N4BP2L2: variants seen among roughly 807,000 people sequenced by gnomAD.
The protein encoded by N4BP2L2 is NEDD4 binding protein 2 like 2.
A neutral mutation model predicts 56.2 loss-of-function variants in N4BP2L2; 50 were observed. That is an observed-to-expected ratio of 0.89 (90% CI 0.71 to 1.13). The LOEUF (loss-of-function observed/expected upper bound fraction) is 1.13, where lower values mean the gene tolerates loss of function less well. Ranked by LOEUF, N4BP2L2 falls within the 50% of genes most tolerant of loss-of-function variation. The pLI is 0.00. For synonymous variants in N4BP2L2, 203 were observed against 223.6 expected (o/e 0.91, Z 0.82); for missense variants, 689 against 693.8 (o/e 0.99, Z 0.08).
chr13:32,534,214 A>C lies in N4BP2L2; in HGVS notation c.1259+1555T>G, dbSNP rs189213226. On this transcript the variant is annotated intron_variant, in intron 2 of 5. Coordinates refer to ENST00000267068, the Ensembl canonical transcript of N4BP2L2. The stretch of plus-strand genomic sequence containing the variant: ...GGTACTACATACAACTTTCATTCTT[A>C]TATATCTATTTTTCAAATAAATATA... 1.4e-4 allele frequency among the ~76,000 whole-genome samples: 22 copies of C among 152,274 alleles called. No individual in the cohort carries two copies. In the East Asian group the frequency reaches 4.2e-3, roughly 29 times the overall value.
chr13:32,466,813 C>T (rs2081325322), intron 6 of N4BP2L2, among the ~76,000 whole-genome samples: 1 of 152,146 alleles, frequency 6.6e-6, no homozygotes, highest in Non-Finnish European at 1.5e-5. Context: ...TATTATTAGT[C>T]TTTAACCAAA....
At chr13:32,485,313 A>G (rs1325049631) in intron 6 of N4BP2L2, among the ~76,000 whole-genome samples, 1 of 152,230 alleles carries the variant, frequency 6.6e-6, no homozygotes, top group Non-Finnish European at 1.5e-5. Context: ...TCAGAACTTC[A>G]CACACACAAA....
At chr13:32,466,402 A>G (rs1025428465) in intron 6 of N4BP2L2, among the ~76,000 whole-genome samples, 3 of 152,068 alleles carry the variant, frequency 2.0e-5, no homozygotes, top group Non-Finnish European at 4.4e-5. Flanking sequence ...ACTCATCTCT[A>G]CTAAAAATAC....
chr13:32,462,260 CA>C (rs2080251462), intron 6 of N4BP2L2, among the ~76,000 whole-genome samples: 1 of 152,020 alleles, frequency 6.6e-6, no homozygotes, highest in East Asian at 1.9e-4. Context: ...ACTACTTGGA[CA>C]TAGAAAAAAT....
At chr13:32,447,229 C>G (rs1375449228) in intron 6 of N4BP2L2, among the ~76,000 whole-genome samples, 3 of 152,166 alleles carry the variant, frequency 2.0e-5, no homozygotes, top group African/African-American at 7.2e-5. Flanking sequence ...TCTCCTTTCT[C>G]TGGATCAAAT....
chr13:32,495,196 G>A (rs2088254480), intron 6 of N4BP2L2, among the ~76,000 whole-genome samples: 2 of 152,136 alleles, frequency 1.3e-5, no homozygotes, highest in Admixed American at 6.5e-5. Flanking sequence ...CTAACATTCA[G>A]CCAGTATACT....
At chr13:32,472,431 T>C (rs1184686691) in intron 6 of N4BP2L2, among the ~76,000 whole-genome samples, 3 of 152,190 alleles carry the variant, frequency 2.0e-5, no homozygotes, top group Admixed American at 6.5e-5. Context: ...TCTTCATATA[T>C]AATGCCACTG....
Position 32,443,891 on chromosome 13 carries a change from C to T in N4BP2L2, c.601G>A (p.Gly201Arg), listed in dbSNP as rs369699593. The stretch of plus-strand genomic sequence containing the variant: ...TCTTTATATCCAGTCACAAAATCTC[C>T]GACTTCATTTTGTAGACCATCAATG... The change falls in exon 7 of 10, where the codon GGA (glycine) becomes AGA (arginine). Residue 201 changes from glycine (G) to arginine (R), a missense_variant. Physicochemically the swap from Gly to Arg is moderately radical, Grantham distance 125 (BLOSUM62 -2). Coordinates refer to the N4BP2L2 transcript ENST00000357505. 218 of 1,568,484 alleles carry T rather than the reference C, an allele frequency of 1.4e-4. No individual in the cohort carries two copies. In the Admixed American group the frequency reaches 2.1e-3, roughly 15 times the overall value.
exon 7 of N4BP2L2, chr13:32,443,707 ATTGGACAAGTAACGGAGATTTCAT>A: frequency 1.3e-6 from 2 of 1,594,306 alleles, no homozygotes; most frequent in Non-Finnish European, 1.7e-6. Context: ...TTGAGTCAGT[ATTGGACAAGTAACGGAGATTTCAT>A]TTGGCCTCAG....
chr13:32,499,502 T>C (rs1445044026), intron 6 of N4BP2L2, among the ~76,000 whole-genome samples: 1 of 152,230 alleles, frequency 6.6e-6, no homozygotes, highest in Non-Finnish European at 1.5e-5. Context: ...CAAGGAAGCC[T>C]CATTTGTTTT....
chr13:32,456,016 T>C (rs1451073852), intron 6 of N4BP2L2, among the ~76,000 whole-genome samples: 2 of 152,168 alleles, frequency 1.3e-5, no homozygotes, highest in African/African-American at 2.4e-5. Context: ...CCTATCCCCC[T>C]ACCTGGTTCA....
At chr13:32,538,701 A>C (rs753378803) in exon 1 of N4BP2L2, 99 of 985,394 alleles carry the variant, frequency 1.0e-4, no homozygotes, top group Non-Finnish European at 1.2e-4. Flanking sequence ...AGGTGAAAGA[A>C]AAGCGGAGAC....
chr13:32,499,253 C>T (rs955493058), intron 6 of N4BP2L2, among the ~76,000 whole-genome samples: 1 of 152,276 alleles, frequency 6.6e-6, no homozygotes, highest in South Asian at 2.1e-4. Context: ...AAGTAACCCA[C>T]AGCTACGCAT....
chr13:32,467,546 G>A (rs2081449615), intron 6 of N4BP2L2, among the ~76,000 whole-genome samples: 1 of 150,994 alleles, frequency 6.6e-6, no homozygotes, highest in African/African-American at 2.4e-5. Flanking sequence ...CCAAAGTGCT[G>A]GGATTACAGG....
exon 8 of N4BP2L2, chr13:32,438,656 A>C (rs1210268115): frequency 1.3e-6 from 2 of 1,598,040 alleles, no homozygotes; most frequent in Non-Finnish European, 1.7e-6. Context: ...ATATACCTCC[A>C]CTGACATCTT....
At chr13:32,448,387 C>T (rs921253064) in intron 6 of N4BP2L2, among the ~76,000 whole-genome samples, 2 of 152,014 alleles carry the variant, frequency 1.3e-5, no homozygotes, top group Non-Finnish European at 2.9e-5. Flanking sequence ...GAAAAAAAAT[C>T]ACTAAATAAA....
chr13:32,529,731 CTT>C (rs1267636694), intron 2 of N4BP2L2, among the ~76,000 whole-genome samples: 3 of 126,640 alleles, frequency 2.4e-5, no homozygotes, highest in Admixed American at 7.8e-5. Flanking sequence ...CTTTTCTTTT[CTT>C]TTTTTTTTTT....
chr13:32,448,734 G>A (rs2077412629), intron 6 of N4BP2L2, among the ~76,000 whole-genome samples: 1 of 152,018 alleles, frequency 6.6e-6, no homozygotes, highest in Admixed American at 6.6e-5. Flanking sequence ...TTAAGGGGGG[G>A]CCAGAAAAAA....
chr13:32,473,752 T>C (rs1476195225), intron 6 of N4BP2L2, among the ~76,000 whole-genome samples: 2 of 152,220 alleles, frequency 1.3e-5, no homozygotes, highest in African/African-American at 2.4e-5. Context: ...TCTCTGTGCC[T>C]TTCTCCCATA....
Sources: allele counts gnomAD v4.1 joint callset (sites outside exome capture counted in the v4.1 genomes callset), GRCh38; gene constraint gnomAD v4.1.1; transcripts MANE v1.5; gene names NCBI Gene and HGNC (gene_info 2026-07-23, HGNC 2026-07-21).